Variants in MYZAP observed in about 807,000 individuals in gnomAD.
MYZAP encodes the protein myocardial zonula adherens protein.
In MYZAP, 66 loss-of-function variants were observed where a neutral mutation model predicts 69.4. That is an observed-to-expected ratio of 0.95 (90% CI 0.78 to 1.17). The LOEUF is 1.17. Ranked by LOEUF, MYZAP falls within the 50% of genes most tolerant of loss-of-function variation. The pLI, the probability that MYZAP is intolerant of heterozygous loss-of-function variation, is 0.00. For synonymous variants in MYZAP, 256 were observed against 205.9 expected (o/e 1.24, Z -2.09); for missense variants, 611 against 556.2 (o/e 1.10, Z -0.99).
rs1362346552 is a variant in MYZAP, at chr15:57,685,294, G to A, written c.*796G>A. The A allele has an allele frequency of 6.6e-6, 1 of 152,098 alleles. No homozygotes were observed. Among genetic ancestry groups the A allele is most frequent in the African/African-American group, 2.4e-5 (1 of 41,406 alleles). The allele number at this position is 152,098 out of a possible 1,614,324, so 9.4% of individuals were successfully genotyped here. On this transcript the variant is annotated 3_prime_UTR_variant, in exon 13 of 13. Coordinates refer to ENST00000267853, the MANE Select transcript of MYZAP (RefSeq NM_001018100.5). ...TTAAACGAATGAATCATCTGTTCAT[G>A]CATGCTCTACTTTGATATTATAACC...
intron 2 of MYZAP, among the ~76,000 whole-genome samples, chr15:57,611,355 G>A (rs1190902444): frequency 6.6e-6 from 1 of 152,170 alleles, no homozygotes; most frequent in African/African-American, 2.4e-5. Context: ...ACTCTGTTTA[G>A]GATATTTACA....
chr15:57,666,646 G>A (rs570671544), intron 11 of MYZAP, among the ~76,000 whole-genome samples: 2 of 151,998 alleles, frequency 1.3e-5, no homozygotes, highest in Non-Finnish European at 2.9e-5. Flanking sequence ...ACATGGGAAC[G>A]ATAAACACTG....
intron 10 of MYZAP, among the ~76,000 whole-genome samples, chr15:57,643,895 C>A (rs1056551822): frequency 6.6e-6 from 1 of 152,142 alleles, no homozygotes; most frequent in African/African-American, 2.4e-5. Context: ...GCAGAGGAGG[C>A]ATTTTCTTTA....
chr15:57,646,404 C>A, intron 10 of MYZAP: 1 of 1,109,664 alleles, frequency 9.0e-7, no homozygotes, highest in Non-Finnish European at 1.1e-6. Flanking sequence ...TGTACAGCCT[C>A]AAACTGCAGA....
chr15:57,633,076 T>C (rs1368083452), intron 7 of MYZAP, among the ~76,000 whole-genome samples: 1 of 152,248 alleles, frequency 6.6e-6, no homozygotes, highest in Non-Finnish European at 1.5e-5. Context: ...AGAGTGGGGC[T>C]GTGCGTCTCA....
chr15:57,602,373 G>T (rs1245027973), intron 1 of MYZAP, among the ~76,000 whole-genome samples: 1 of 152,114 alleles, frequency 6.6e-6, no homozygotes, highest in African/African-American at 2.4e-5. Context: ...CTTCTCCTTG[G>T]CTGTTGATGG....
intron 5 of MYZAP, among the ~76,000 whole-genome samples, chr15:57,626,473 T>A (rs2036142683): frequency 6.6e-6 from 1 of 152,230 alleles, no homozygotes; most frequent in Non-Finnish European, 1.5e-5. Context: ...TTTTCTTGGT[T>A]GATTTGGTTT....
At chr15:57,675,476 G>A (rs7172191) in intron 12 of MYZAP, among the ~76,000 whole-genome samples, 3,113 of 152,190 alleles carry the variant, frequency 0.02, 117 homozygotes, top group African/African-American at 0.071. Context: ...CATATATAAC[G>A]GTGTGAGAGG....
chr15:57,628,223 C>T (rs974041839), intron 5 of MYZAP, among the ~76,000 whole-genome samples: 1 of 152,126 alleles, frequency 6.6e-6, no homozygotes, highest in African/African-American at 2.4e-5. Flanking sequence ...GAGAGTTAAC[C>T]AAGTAGAAAC....
At chr15:57,657,248 CT>C (rs2038053959) in intron 10 of MYZAP, among the ~76,000 whole-genome samples, 2 of 152,018 alleles carry the variant, frequency 1.3e-5, no homozygotes, top group Admixed American at 1.3e-4. Context: ...AATATTACCC[CT>C]GACTTTCTTG....
chr15:57,661,366 C>T (rs986868), intron 10 of MYZAP, 84 bp from the exon 11 acceptor site: 655,151 of 993,096 alleles, frequency 0.66, 218,207 homozygotes, highest in East Asian at 0.87. Flanking sequence ...AAATGAAAAC[C>T]AAGGGCATCT....
chr15:57,671,141 T>C (rs1275591918), intron 11 of MYZAP, among the ~76,000 whole-genome samples: 1 of 152,096 alleles, frequency 6.6e-6, no homozygotes, highest in Non-Finnish European at 1.5e-5. Context: ...AACATTCTCT[T>C]AGTTTTTCTT....
In MYZAP at chr15:57,646,733, G is replaced by A. The variant is rs560617638; in HGVS notation, c.1119+7188G>A. 22 of 986,362 alleles carry A rather than the reference G, an allele frequency of 2.2e-5. No individual in the cohort carries two copies. The African/African-American group carries it at 3.8e-4, about 17-fold the overall frequency. 61.1% of individuals were successfully genotyped at this position (986,362 alleles called of 1,614,324 possible). ...GGCCCTGAAGGTGTCCTTCCTGAAT[G>A]GATATCAATACTCATCTTAGGACTC... On this transcript the variant is annotated intron_variant, in intron 10 of 12. Coordinates refer to ENST00000267853, the MANE Select transcript of MYZAP (RefSeq NM_001018100.5).
At chr15:57,614,871 T>C (rs2035332579) in intron 2 of MYZAP, among the ~76,000 whole-genome samples, 1 of 152,324 alleles carries the variant, frequency 6.6e-6, no homozygotes. Context: ...AGTAGGGTCA[T>C]TGTGAGGATT....
chr15:57,667,659 GCTCT>G lies in MYZAP; in HGVS notation c.1203+6129_1203+6132del, dbSNP rs1456422375. ...AAGACTTTTCTTAAATCTGTCCCAC[GCTCT>G]CTAACTCTCCTCTTACTGCCCATGT... is the stretch of plus-strand genomic sequence containing the variant. On this transcript the variant is annotated intron_variant, in intron 11 of 12. Coordinates refer to ENST00000267853, the MANE Select transcript of MYZAP (RefSeq NM_001018100.5). Among the ~76,000 whole-genome samples the G allele has an allele frequency of 7.1e-4, 108 of 152,144 alleles. 3 individuals carry two copies. Among genetic ancestry groups the G allele is most frequent in the African/African-American group, 2.5e-3 (104 of 41,490 alleles).
chr15:57,637,656 G>T, intron 8 of MYZAP, 39 bp from the exon 9 acceptor site: 2 of 1,598,714 alleles, frequency 1.3e-6, no homozygotes, highest in Non-Finnish European at 1.7e-6. Flanking sequence ...GTCAAACTTG[G>T]GATCCATTGA....
chr15:57,635,598 C>T (rs1260497027), intron 8 of MYZAP, among the ~76,000 whole-genome samples: 2 of 152,214 alleles, frequency 1.3e-5, no homozygotes, highest in Non-Finnish European at 2.9e-5. Flanking sequence ...AATGTATTGT[C>T]CTTTCTCTAA....
chr15:57,613,620 C>T (rs2035251346), intron 2 of MYZAP, among the ~76,000 whole-genome samples: 1 of 152,128 alleles, frequency 6.6e-6, no homozygotes, highest in South Asian at 2.1e-4. Context: ...ATCTGCCTGC[C>T]TTGGCCTCCC....
intron 10 of MYZAP, among the ~76,000 whole-genome samples, chr15:57,641,296 T>G (rs1175503328): frequency 6.6e-6 from 1 of 152,238 alleles, no homozygotes; most frequent in Non-Finnish European, 1.5e-5. Context: ...TAGAATTCTC[T>G]GTTTCCTAAC....
Sources: gnomAD v4.1 joint callset for allele counts (sites outside exome capture counted in the v4.1 genomes callset) on GRCh38, gnomAD v4.1.1 for gene constraint, MANE v1.5 for transcripts, NCBI Gene and HGNC (gene_info 2026-07-23, HGNC 2026-07-21) for gene names.